The following TG variants were observed in gnomAD, a reference collection of about 807,000 sequenced individuals.
TG encodes the protein thyroglobulin.
Under a neutral mutation model 324.7 loss-of-function variants are expected in TG, and 270 were observed. The observed-to-expected ratio is 0.83, with a 90% CI of 0.75 to 0.92. TG has a LOEUF of 0.92. Ranked by LOEUF, TG falls within the 40% of genes least tolerant of loss-of-function variation. TG has a pLI of 0.00. For synonymous variants in TG, 1,401 were observed against 1,327.0 expected (o/e 1.06, Z -1.21); for missense variants, 3,591 against 3,456.4 (o/e 1.04, Z -0.98).
At position 133,038,482 on chromosome 8, in the gene TG, C is replaced by T. The variant is rs200196096; in HGVS notation, c.7239+8459C>T. Reference sequence around the variant, plus strand: ...GCAAGATCCCAGGCAATAGTTGGAACTTCTGTTCCTTTTGGGCATGAACCA... The same window carrying T: ...GCAAGATCCCAGGCAATAGTTGGAATTTCTGTTCCTTTTGGGCATGAACCA... On this transcript the variant is annotated intron_variant, in intron 41 of 47. Coordinates refer to ENST00000220616, the MANE Select transcript of TG (RefSeq NM_003235.5). 7.4e-5 allele frequency: 109 copies of T among 1,472,434 alleles called. 1 individual carries two copies. The East Asian group carries it at 2.5e-3, about 33-fold the overall frequency. 91.2% of individuals were successfully genotyped at this position (1,472,434 alleles called of 1,614,324 possible). A position where few individuals can be genotyped will look rare whatever the true frequency, so the allele number is the denominator to read the frequency against.
At position 132,908,293 on chromosome 8, in the gene TG, G is replaced by A; in HGVS notation, c.3955G>A (p.Val1319Ile). 6.2e-7 allele frequency: 1 copy of A among 1,613,476 alleles called. No homozygotes were observed. Among genetic ancestry groups the A allele is most frequent in the Non-Finnish European group, 8.5e-7 (1 of 1,179,836 alleles). ...CGCGGATTTGCTGCAGACTTTCCAG[G>A]TTTTCATATTGGATGAGCTGACAGC... ...DYADLLQTFQ[V>I]FILDELTARG... Residue 1319 changes from valine to isoleucine, a missense_variant, in exon 18 of 48, where the codon GTT (valine) becomes ATT (isoleucine). Val to Ile is a conservative substitution (Grantham distance 29, BLOSUM62 3). Coordinates refer to ENST00000220616, the MANE Select transcript of TG (RefSeq NM_003235.5).
chr8:133,023,084 A>C (rs1395013918), intron 40 of TG, among the ~76,000 whole-genome samples: 2 of 152,084 alleles, frequency 1.3e-5, no homozygotes, highest in Non-Finnish European at 2.9e-5. Context: ...CCTACGTGCT[A>C]AGTGTGGGTG....
chr8:132,897,926 G>T, intron 12 of TG, 140 bp downstream of exon 12: 1 of 1,091,168 alleles, frequency 9.2e-7, no homozygotes, highest in Non-Finnish European at 1.4e-6. Context: ...TTAGCTTCTC[G>T]GGCCTCCAGT....
chr8:132,886,549 G>C lies in TG; in HGVS notation c.1177G>C (p.Glu393Gln). The C allele has an allele frequency of 6.2e-7, 1 of 1,614,196 alleles. No homozygotes were observed. The highest frequency in any genetic ancestry group is 8.5e-7 in the Non-Finnish European group (1 of 1,180,042). Residue 393 changes from glutamate to glutamine, a missense_variant, in exon 9 of 48, where the codon GAG becomes CAG. By Grantham distance (29) the Glu-to-Gln change is conservative (BLOSUM62 2). Transcript: ENST00000220616. Reference protein sequence around the residue: ...FSQHDLFSSPEKRWASPRVAR... With the variant: ...FSQHDLFSSPQKRWASPRVAR... ...CCAGCACGACCTGTTCTCTTCCCCA[G>C]AGAAAAGATGGGCCTCTCCAAGAGT...
At chr8:132,938,751 A>C (rs913739885) in intron 25 of TG, among the ~76,000 whole-genome samples, 3 of 152,158 alleles carry the variant, frequency 2.0e-5, no homozygotes, top group African/African-American at 7.2e-5. Flanking sequence ...TCTGATCTGA[A>C]GGATGAAAAG....
chr8:133,045,213 C>A, intron 41 of TG: 2 of 1,271,118 alleles, frequency 1.6e-6, no homozygotes, highest in Middle Eastern at 2.3e-4. Context: ...GAGACCTGCC[C>A]ACCCTTGGGA....
intron 35 of TG, among the ~76,000 whole-genome samples, chr8:132,997,644 G>A (rs1833008251): frequency 6.6e-6 from 1 of 152,150 alleles, no homozygotes; most frequent in African/African-American, 2.4e-5. Flanking sequence ...CATTGAGTTA[G>A]TCATGAAGAG....
intron 35 of TG, among the ~76,000 whole-genome samples, chr8:133,011,204 C>T (rs867884076): frequency 3.3e-5 from 5 of 152,136 alleles, no homozygotes; most frequent in East Asian, 1.9e-4. Flanking sequence ...CTAGGCTGGC[C>T]GTTCAGATTT....
rs757874903 is a variant in TG at position 132,972,598 on chromosome 8, G to C, written c.6056G>C (p.Gly2019Ala). ...TTTGTTTTTTTTTTTTCCACCCCAG[G>C]AGGAGAGGTGACATGTCTCACTCTG... ...FGFLNVSQLK[G>A]GEVTCLTLNS... Residue 2019 changes from glycine (G) to alanine (A), a missense_variant and splice_region_variant, in exon 34 of 48, where the codon GGA becomes GCA. Transcript: ENST00000220616. 1 of 1,596,374 alleles carries C rather than the reference G, an allele frequency of 6.3e-7. No homozygotes were observed. The highest frequency in any genetic ancestry group is 1.1e-5 in the South Asian group (1 of 90,796).
At chr8:132,936,190 G>A (rs757162257) in intron 25 of TG, among the ~76,000 whole-genome samples, 13 of 152,236 alleles carry the variant, frequency 8.5e-5, no homozygotes, top group Non-Finnish European at 1.5e-4. Flanking sequence ...ACAAAGCTAC[G>A]AAGTGAAGGA....
intron 8 of TG, among the ~76,000 whole-genome samples, chr8:132,885,183 T>C (rs907269382): frequency 3.3e-5 from 5 of 150,630 alleles, no homozygotes; most frequent in Non-Finnish European, 5.9e-5. Flanking sequence ...TGGAGAAAAA[T>C]GGAGCTTACT....
chr8:133,051,696 C>T (rs982976751), intron 41 of TG, among the ~76,000 whole-genome samples: 4 of 152,176 alleles, frequency 2.6e-5, no homozygotes, highest in African/African-American at 9.7e-5. Context: ...CTTTTTGACA[C>T]TGAGCGATAC....
rs368224928 is a variant in TG at position 132,947,548 on chromosome 8, T to C, written c.5234-1228T>C. Among the ~76,000 whole-genome samples, 23 of 152,266 alleles carry C rather than the reference T, an allele frequency of 1.5e-4. No individual in the cohort carries two copies. In the South Asian group the frequency reaches 3.3e-3, roughly 22 times the overall value. Reference sequence around the variant, plus strand: ...ACCTACTCTGGGGAAATTTTGGAGATAGAATTGTTTTGAACTAGATCCAGA... The same window carrying C: ...ACCTACTCTGGGGAAATTTTGGAGACAGAATTGTTTTGAACTAGATCCAGA... On this transcript the variant is annotated intron_variant, in intron 26 of 47. Transcript: ENST00000220616.
chr8:132,998,028 A>G (rs537663613), intron 35 of TG, among the ~76,000 whole-genome samples: 1 of 152,302 alleles, frequency 6.6e-6, no homozygotes, highest in South Asian at 2.1e-4. Flanking sequence ...CACTAAAGAT[A>G]AAGGAAGAAT....
intron 41 of TG, chr8:133,044,896 C>T (rs1288063069): frequency 2.2e-6 from 3 of 1,340,058 alleles, no homozygotes; most frequent in Non-Finnish European, 2.1e-6. Flanking sequence ...AAGCAAGACC[C>T]CTCTGCATTC....
chr8:133,011,753 A>G lies in TG; in HGVS notation c.6263-148A>G, dbSNP rs895267504. ...CAATAAATACTTGTAGAATGGAAAG[A>G]TGGATCAAGCTATAAGGTTGCACAG... On this transcript the variant is annotated intron_variant, in intron 35 of 47. Transcript: ENST00000220616. 23 of 954,074 alleles carry G rather than the reference A, an allele frequency of 2.4e-5. No homozygotes were observed. In the African/African-American group the frequency reaches 3.1e-4, roughly 13 times the overall value. 59.1% of individuals were successfully genotyped at this position (954,074 alleles called of 1,614,324 possible). A position where few individuals can be genotyped will look rare whatever the true frequency, so the allele number is the denominator to read the frequency against.
At chr8:132,960,118 C>T (rs368769089) in intron 27 of TG, among the ~76,000 whole-genome samples, 3 of 152,234 alleles carry the variant, frequency 2.0e-5, no homozygotes, top group African/African-American at 4.8e-5. Context: ...GGTTGGTAGG[C>T]GCAGCACACC....
intron 10 of TG, among the ~76,000 whole-genome samples, chr8:132,888,956 C>A (rs1485958296): frequency 6.6e-6 from 1 of 152,158 alleles, no homozygotes; most frequent in Admixed American, 6.5e-5. Context: ...TTAGGTGTAC[C>A]TTTTAATTGA....
chr8:133,078,763 C>A (rs58767833), intron 41 of TG, among the ~76,000 whole-genome samples: 3,715 of 152,298 alleles, frequency 0.024, 156 homozygotes, highest in African/African-American at 0.085. Flanking sequence ...GAATTACTCA[C>A]TTTAGCCAAC....
Sources: gnomAD v4.1 joint callset for allele counts (sites outside exome capture counted in the v4.1 genomes callset) on GRCh38, gnomAD v4.1.1 for gene constraint, MANE v1.5 for transcripts, NCBI Gene and HGNC (gene_info 2026-07-23, HGNC 2026-07-21) for gene names.